The following CSMD1 variants were observed in gnomAD, a reference collection of about 807,000 sequenced individuals.
CSMD1 encodes CUB and Sushi multiple domains 1.
In CSMD1, 213 loss-of-function variants were observed where a neutral mutation model predicts 417.5. The ratio of observed to expected loss-of-function variants is 0.51; its 90% CI spans 0.46 to 0.57. The LOEUF (loss-of-function observed/expected upper bound fraction) is 0.57, where lower values mean the gene tolerates loss of function less well. Among genes scored for constraint, CSMD1 ranks in the 20% least tolerant of loss-of-function variants. CSMD1 has a pLI of 0.00. For synonymous variants in CSMD1, 2,862 were observed against 1,736.8 expected (o/e 1.65, Z -16.11); for missense variants, 6,923 against 4,529.7 (o/e 1.53, Z -15.17).
At chr8:3,419,571 C>A (rs1025598617) in intron 12 of CSMD1, among the ~76,000 whole-genome samples, 14 of 152,066 alleles carry the variant, frequency 9.2e-5, no homozygotes, top group African/African-American at 2.9e-4. Context: ...CTAGGAAATT[C>A]TGAAACCTGG....
At chr8:3,586,772 A>G (rs1391611469) in intron 8 of CSMD1, among the ~76,000 whole-genome samples, 5 of 152,128 alleles carry the variant, frequency 3.3e-5, no homozygotes, top group Non-Finnish European at 5.9e-5. Context: ...TTCTTATAGG[A>G]ACAGAATATT....
intron 2 of CSMD1, among the ~76,000 whole-genome samples, chr8:4,493,195 A>G (rs1801796284): frequency 6.6e-6 from 1 of 152,198 alleles, no homozygotes; most frequent in Non-Finnish European, 1.5e-5. Flanking sequence ...AGTAAGCGTT[A>G]TATACCTACA....
intron 26 of CSMD1, among the ~76,000 whole-genome samples, chr8:3,271,972 T>G (rs941727399): frequency 1.3e-5 from 2 of 152,132 alleles, no homozygotes; most frequent in East Asian, 3.9e-4. Flanking sequence ...TTGTTGCCTT[T>G]GCTTTTTGTG....
chr8:3,518,200 G>A (rs1042818161), intron 10 of CSMD1, among the ~76,000 whole-genome samples: 10 of 152,194 alleles, frequency 6.6e-5, no homozygotes, highest in African/African-American at 1.9e-4. Flanking sequence ...ATGGACCAAT[G>A]ATTACTTATT....
At chr8:4,848,163 T>A (rs1188286723) in intron 1 of CSMD1, among the ~76,000 whole-genome samples, 1 of 152,228 alleles carries the variant, frequency 6.6e-6, no homozygotes, top group Non-Finnish European at 1.5e-5. Context: ...TCATTCTTGG[T>A]CTGGCTGAAT....
chr8:3,263,019 T>G (rs1013570457), intron 26 of CSMD1, among the ~76,000 whole-genome samples: 1 of 152,236 alleles, frequency 6.6e-6, no homozygotes, highest in African/African-American at 2.4e-5. Context: ...ATAAATCTCC[T>G]TGACCCATAA....
rs763112851 is a variant in CSMD1, at chr8:3,110,141, T to C, written c.6608+17A>G. 14 of 1,582,204 alleles carry C rather than the reference T, an allele frequency of 8.8e-6. No individual in the cohort carries two copies. In the African/African-American group the frequency reaches 1.8e-4, roughly 20 times the overall value. On this transcript the variant is annotated intron_variant, in intron 43 of 69. Coordinates refer to ENST00000635120, the MANE Select transcript of CSMD1 (RefSeq NM_033225.6). ...TGATCACAATTACAGATATTTTGAC[T>C]TGAGAGGTTCTCATACCAAACAGCA...
intron 3 of CSMD1, among the ~76,000 whole-genome samples, chr8:4,183,743 G>A (rs149355184): frequency 6.6e-6 from 1 of 152,166 alleles, no homozygotes; most frequent in East Asian, 1.9e-4. Flanking sequence ...TAAAAGATTA[G>A]TGAAGCAATA....
intron 4 of CSMD1, among the ~76,000 whole-genome samples, chr8:4,001,333 T>G (rs1037133521): frequency 6.6e-6 from 1 of 151,914 alleles, no homozygotes; most frequent in South Asian, 2.1e-4. Flanking sequence ...CAGGACAGAG[T>G]CCAGGGCCCC....
intron 41 of CSMD1, among the ~76,000 whole-genome samples, chr8:3,138,856 G>C (rs1006780902): frequency 3.9e-5 from 6 of 152,194 alleles, no homozygotes; most frequent in Non-Finnish European, 7.4e-5. Context: ...GAAAATCTAA[G>C]AAAGCATGGT....
chr8:4,455,047 C>A (rs528373138), intron 2 of CSMD1, among the ~76,000 whole-genome samples: 6 of 152,110 alleles, frequency 3.9e-5, no homozygotes, highest in Admixed American at 6.5e-5. Flanking sequence ...AACACAATAT[C>A]ACCATGTTTA....
At chr8:3,945,483 A>T (rs1040648094) in intron 5 of CSMD1, among the ~76,000 whole-genome samples, 1 of 152,084 alleles carries the variant, frequency 6.6e-6, no homozygotes, top group Non-Finnish European at 1.5e-5. Flanking sequence ...TTACTCTTCA[A>T]CTGTGAACTT....
intron 2 of CSMD1, among the ~76,000 whole-genome samples, chr8:4,550,627 T>C (rs529952038): frequency 1.2e-4 from 18 of 152,154 alleles, no homozygotes; most frequent in Non-Finnish European, 2.5e-4. Context: ...AAATCATAGA[T>C]GTTGGGATTT....
At chr8:3,980,955 G>C (rs749754849) in intron 5 of CSMD1, among the ~76,000 whole-genome samples, 9 of 152,134 alleles carry the variant, frequency 5.9e-5, no homozygotes, top group Non-Finnish European at 7.4e-5. Flanking sequence ...TTCCCATAAA[G>C]AGTAGGGGCC....
intron 11 of CSMD1, among the ~76,000 whole-genome samples, chr8:3,475,663 T>C (rs1817364981): frequency 6.6e-6 from 1 of 152,254 alleles, no homozygotes; most frequent in Non-Finnish European, 1.5e-5. Flanking sequence ...TCAGTGAAGA[T>C]ACTGCTGTCT....
rs1811903057 is a variant in CSMD1 at position 3,399,416 on chromosome 8, G to A, written c.2380C>T (p.His794Tyr). ...CEWIIEAKPGHSIKITFDRFQ... is the reference protein window; with the variant it reads ...CEWIIEAKPGYSIKITFDRFQ... Reference sequence around the variant, plus strand: ...CTGTCAAAAGTTATTTTGATAGAGTGGCCTGGTTTTGCTTCAATTATCCAT... The same window carrying A: ...CTGTCAAAAGTTATTTTGATAGAGTAGCCTGGTTTTGCTTCAATTATCCAT... Residue 794 changes from histidine (H) to tyrosine (Y), a missense_variant, in exon 16 of 70, where the codon CAC (histidine) becomes TAC (tyrosine). By Grantham distance (83) the His-to-Tyr change is moderately conservative (BLOSUM62 2). Transcript: ENST00000635120. 3 of 1,606,314 alleles carry A rather than the reference G, an allele frequency of 1.9e-6. No individual in the cohort carries two copies. Among genetic ancestry groups the A allele is most frequent in the Non-Finnish European group, 2.5e-6 (3 of 1,176,798 alleles).
rs149492372 is a variant in CSMD1, at chr8:3,070,099, G to A, written c.7474+16998C>T. ...CAGCATCCTGAGGATTCACAGGGCCGTAGGGCCCTGGGCCTGGCCCACAAA... is the reference window on the plus strand; with the variant it reads ...CAGCATCCTGAGGATTCACAGGGCCATAGGGCCCTGGGCCTGGCCCACAAA... On this transcript the variant is annotated intron_variant, in intron 49 of 69. Coordinates refer to ENST00000635120, the MANE Select transcript of CSMD1 (RefSeq NM_033225.6). Among the ~76,000 whole-genome samples the A allele has an allele frequency of 7.6e-3, 1,164 of 152,322 alleles. 15 individuals are homozygous for A. The highest frequency in any genetic ancestry group is 0.026 in the African/African-American group (1,080 of 41,566).
chr8:4,395,979 C>T (rs1333446738), intron 3 of CSMD1, among the ~76,000 whole-genome samples: 1 of 152,072 alleles, frequency 6.6e-6, no homozygotes. Context: ...TAAATATATT[C>T]TGTTACTTTT....
At chr8:3,981,121 G>C (rs760688009) in intron 5 of CSMD1, among the ~76,000 whole-genome samples, 1 of 152,166 alleles carries the variant, frequency 6.6e-6, no homozygotes, top group Non-Finnish European at 1.5e-5. Context: ...GAAATGTCAG[G>C]AGTCCTCCAG....
Sources: allele counts gnomAD v4.1 joint callset (sites outside exome capture counted in the v4.1 genomes callset), GRCh38; gene constraint gnomAD v4.1.1; transcripts MANE v1.5; gene names NCBI Gene and HGNC (gene_info 2026-07-23, HGNC 2026-07-21).